Variants in NEK10 observed in about 807,000 individuals in gnomAD.
The protein encoded by NEK10 is NIMA related kinase 10.
NEK10 carries 122 observed loss-of-function variants against 159.8 expected under a neutral mutation model. The observed-to-expected ratio is 0.76, with a 90% confidence interval of 0.66 to 0.89. The LOEUF is 0.89. Among genes scored for constraint, NEK10 ranks in the 40% least tolerant of loss-of-function variants. The pLI is 0.00. For missense variants in NEK10, 1,342 were observed against 1,323.1 expected (o/e 1.01, Z -0.22); for synonymous variants, 466 against 457.1 (o/e 1.02, Z -0.25).
intron 23 of NEK10, among the ~76,000 whole-genome samples, chr3:27,203,302 C>G (rs1158789653): frequency 6.6e-6 from 1 of 152,080 alleles, no homozygotes; most frequent in Non-Finnish European, 1.5e-5. Context: ...AGAGCCTTTC[C>G]CTTTGCTATT....
At chr3:27,257,788 C>CTTTTTT (rs79727702) in intron 22 of NEK10, among the ~76,000 whole-genome samples, 11 of 130,510 alleles carry the variant, frequency 8.4e-5, no homozygotes, top group Non-Finnish European at 9.6e-5. Flanking sequence ...TTTCTTTTTT[C>CTTTTTT]TTTTTTTTTT....
In NEK10 at chr3:27,297,186, A is replaced by T. The variant is rs1053062733; in HGVS notation, c.1223T>A (p.Val408Glu). 1 of 1,612,052 alleles carries T rather than the reference A, an allele frequency of 6.2e-7. No homozygotes were observed. The highest frequency in any genetic ancestry group is 8.5e-7 in the Non-Finnish European group (1 of 1,178,256). ...LVLNDTNAHQ[V>E]VQENGVYTIA... ...GAGAAGGAGTGCTCTCACCTGAACC[A>T]CCTGGTGGGCATTGGTGTCATTGAG... Residue 408 changes from valine (V) to glutamate (E), a missense_variant, in exon 14 of 36, where the codon GTG (valine) becomes GAG (glutamate). Physicochemically the swap from Val to Glu is moderately radical, Grantham distance 121. Transcript: ENST00000691995.
intron 26 of NEK10, 34 bp from the exon 27 acceptor site, chr3:27,174,867 T>G: frequency 6.6e-7 from 1 of 1,508,016 alleles, no homozygotes; most frequent in Non-Finnish European, 8.9e-7. Flanking sequence ...CATAGCCTCT[T>G]TCTCTATCCT....
chr3:27,285,092 G>A, intron 20 of NEK10, 131 bp from the exon 21 acceptor site: 1 of 674,112 alleles, frequency 1.5e-6, no homozygotes, highest in Non-Finnish European at 2.4e-6. Context: ...GGGATGATGT[G>A]CTAAAATATG....
At chr3:27,320,576 T>G (rs1476200501) in intron 6 of NEK10, among the ~76,000 whole-genome samples, 2 of 152,144 alleles carry the variant, frequency 1.3e-5, no homozygotes, top group Non-Finnish European at 2.9e-5. Flanking sequence ...CAAACTGAAT[T>G]GCGATAAGCA....
At position 27,352,513 on chromosome 3, in the gene NEK10, A is replaced by G; in HGVS notation, c.84T>C (p.Asp28=). ...TCAAAAGGCACCGAAGTCTTTTAAG[A>G]TCTGAATAGTCCCTAGGAGAGAGAA... ...QQEITIRDYS[D]LKRLRCLLNV... is the part of the protein sequence containing the mutation. Residue 28 remains aspartate (D), a synonymous_variant, in exon 3 of 36, where the codon GAT becomes GAC. Transcript: ENST00000691995. 1 of 1,608,936 alleles carries G rather than the reference A, an allele frequency of 6.2e-7. No individual in the cohort carries two copies.
At chr3:27,248,703 TAC>T (rs2149289875) in intron 23 of NEK10, among the ~76,000 whole-genome samples, 1 of 152,348 alleles carries the variant, frequency 6.6e-6, no homozygotes, top group South Asian at 2.1e-4. Flanking sequence ...TTTATTCTAT[TAC>T]AGTCAGAGAA....
At chr3:27,196,985 C>T (rs895799975) in intron 25 of NEK10, among the ~76,000 whole-genome samples, 1 of 152,036 alleles carries the variant, frequency 6.6e-6, no homozygotes, top group African/African-American at 2.4e-5. Flanking sequence ...ATAATACTAA[C>T]CATGATGATT....
At chr3:27,171,626 A>C (rs1316742360) in intron 29 of NEK10, among the ~76,000 whole-genome samples, 193 bp downstream of exon 29, 1 of 152,188 alleles carries the variant, frequency 6.6e-6, no homozygotes, top group African/African-American at 2.4e-5. Flanking sequence ...AGCTAGACTA[A>C]GACCCAGGTC....
chr3:27,182,333 CAA>C (rs1346833856), intron 26 of NEK10, among the ~76,000 whole-genome samples: 1 of 151,932 alleles, frequency 6.6e-6, no homozygotes, highest in South Asian at 2.1e-4. Context: ...ATGTTGTATA[CAA>C]TATATATAAT....
At chr3:27,272,451 C>G (rs1317460961) in intron 22 of NEK10, among the ~76,000 whole-genome samples, 1 of 152,160 alleles carries the variant, frequency 6.6e-6, no homozygotes, top group Non-Finnish European at 1.5e-5. Context: ...TTTAAATGTG[C>G]CAGGAGCTTA....
intron 23 of NEK10, among the ~76,000 whole-genome samples, chr3:27,229,685 A>T (rs1953025617): frequency 6.6e-6 from 1 of 152,150 alleles, no homozygotes; most frequent in Non-Finnish European, 1.5e-5. Context: ...ACCAATCAGA[A>T]CTTCTGGAAA....
intron 32 of NEK10, among the ~76,000 whole-genome samples, chr3:27,131,220 T>G (rs1942584093): frequency 6.6e-6 from 1 of 152,196 alleles, no homozygotes; most frequent in South Asian, 2.1e-4. Context: ...TGGGCCTGAA[T>G]TGCTTGTACC....
chr3:27,223,908 C>T (rs1436032306), intron 23 of NEK10, among the ~76,000 whole-genome samples: 1 of 152,172 alleles, frequency 6.6e-6, no homozygotes, highest in Non-Finnish European at 1.5e-5. Context: ...AAATTCTATC[C>T]ATGTCTTCTC....
chr3:27,307,774 A>G lies in NEK10; in HGVS notation c.803+85T>C, dbSNP rs9810542. The G allele has an allele frequency of 1.5e-3, 1,090 of 739,522 alleles. 9 individuals carry two copies. The African/African-American group carries it at 0.017, about 11-fold the overall frequency. The allele number at this position is 739,522 out of a possible 1,614,324, so 45.8% of individuals were successfully genotyped here. A position where few individuals can be genotyped will look rare whatever the true frequency, so the allele number is the denominator to read the frequency against. ...CTCATCATATTCAGTTACAATGTAA[A>G]TAACATGACGTAATAAAAATAATAA... is the stretch of plus-strand genomic sequence containing the variant. On this transcript the variant is annotated intron_variant, in intron 11 of 35. Transcript: ENST00000691995.
intron 7 of NEK10, among the ~76,000 whole-genome samples, chr3:27,313,629 A>G (rs969052530): frequency 6.6e-6 from 1 of 152,120 alleles, no homozygotes; most frequent in Non-Finnish European, 1.5e-5. Context: ...ACCGTTTCAA[A>G]TATATATGCA....
intron 24 of NEK10, among the ~76,000 whole-genome samples, chr3:27,202,074 C>T (rs13069474): frequency 0.07 from 10,660 of 152,082 alleles, 438 homozygotes; most frequent in African/African-American, 0.11. Context: ...TTGCTTGAGC[C>T]CAGGAGGCGG....
chr3:27,209,928 A>G (rs1950858582), intron 23 of NEK10, among the ~76,000 whole-genome samples: 1 of 152,186 alleles, frequency 6.6e-6, no homozygotes, highest in Non-Finnish European at 1.5e-5. Context: ...TCATGAAATA[A>G]ACAGCTAGGG....
At chr3:27,125,803 T>C (rs535963095) in intron 32 of NEK10, among the ~76,000 whole-genome samples, 82 of 152,278 alleles carry the variant, frequency 5.4e-4, no homozygotes, top group African/African-American at 1.9e-3. Context: ...GGTGTTTACA[T>C]TTCCAGCAAG....
Sources: allele counts gnomAD v4.1 joint callset (sites outside exome capture counted in the v4.1 genomes callset), GRCh38; gene constraint gnomAD v4.1.1; transcripts MANE v1.5; gene names NCBI Gene and HGNC (gene_info 2026-07-23, HGNC 2026-07-21).